ATP2A3: variants seen among roughly 807,000 people sequenced by gnomAD.
ATP2A3 encodes the protein ATPase sarcoplasmic/endoplasmic reticulum Ca2+ transporting 3.
In ATP2A3, 61 loss-of-function variants were observed where a neutral mutation model predicts 106.8. That is an observed-to-expected ratio of 0.57 (90% confidence interval 0.46 to 0.71). The LOEUF (loss-of-function observed/expected upper bound fraction) is 0.71, where lower values mean the gene tolerates loss of function less well. ATP2A3 is among the 30% of genes least tolerant of loss of function. ATP2A3 has a pLI of 0.00. For missense variants in ATP2A3, 1,201 were observed against 1,423.5 expected, an observed-to-expected ratio of 0.84 and a Z score of 2.52; for synonymous variants, 611 against 609.3, an observed-to-expected ratio of 1.00 and a Z score of -0.04.
chr17:3,937,393 G>A, intron 15 of ATP2A3, 23 bp downstream of exon 15: 1 of 1,604,250 alleles, frequency 6.2e-7, no homozygotes, highest in Non-Finnish European at 8.5e-7. Flanking sequence ...AGAGGGCTGA[G>A]AGGAGGGAAG....
chr17:3,956,385 T>G (rs934698053), intron 1 of ATP2A3, among the ~76,000 whole-genome samples: 1 of 152,144 alleles, frequency 6.6e-6, no homozygotes. Flanking sequence ...TCGTGCCAGG[T>G]TGGAGCATTG....
rs1428489913 is a variant in ATP2A3, at chr17:3,928,895, A to G, written c.2863-115T>C. 3.9e-6 allele frequency: 3 copies of G among 770,370 alleles called. No homozygotes were observed. Among genetic ancestry groups the G allele is most frequent in the Middle Eastern group, 2.4e-4 (1 of 4,184 alleles). The allele number at this position is 770,370 out of a possible 1,614,324, so 47.7% of individuals were successfully genotyped here. On this transcript the variant is annotated intron_variant, in intron 19 of 20. Transcript: ENST00000397041. The surrounding 1 kb of genome is among the most constrained non-coding windows in gnomAD (Gnocchi z 6.1). ...GATGGACTCTTCATGAGCGCTCCTAAGAACCCCCTGGATGCACCCCCGATC... is the reference window on the plus strand; with the variant it reads ...GATGGACTCTTCATGAGCGCTCCTAGGAACCCCCTGGATGCACCCCCGATC...
chr17:3,950,614 G>A lies in ATP2A3; in HGVS notation c.545-18C>T, dbSNP rs1567712852. On this transcript the variant is annotated intron_variant, in intron 6 of 20. Transcript: ENST00000397041. Reference sequence around the variant, plus strand: ...AGATTCACCTGGTCAGGGAATCAGAGATGAGAAGCCCCACATGAAGACACG... The same window carrying A: ...AGATTCACCTGGTCAGGGAATCAGAAATGAGAAGCCCCACATGAAGACACG... 4 of 1,614,066 alleles carry A rather than the reference G, an allele frequency of 2.5e-6. No homozygotes were observed. Among genetic ancestry groups the A allele is most frequent in the Non-Finnish European group, 2.5e-6 (3 of 1,179,950 alleles).
At chr17:3,949,303 G>A (rs1175595110) in intron 7 of ATP2A3, among the ~76,000 whole-genome samples, 5 of 152,132 alleles carry the variant, frequency 3.3e-5, no homozygotes, top group Non-Finnish European at 7.3e-5. Flanking sequence ...AGGCTACTGC[G>A]GGGCAGCTGT....
chr17:3,930,540 C>G lies in ATP2A3; in HGVS notation c.2611-106G>C. 1 of 1,518,972 alleles carries G rather than the reference C, an allele frequency of 6.6e-7. No homozygotes were observed. The highest frequency in any genetic ancestry group is 8.9e-7 in the Non-Finnish European group (1 of 1,119,808). The allele number at this position is 1,518,972 out of a possible 1,614,324, so 94.1% of individuals were successfully genotyped here. A position where few individuals can be genotyped will look rare whatever the true frequency, so the allele number is the denominator to read the frequency against. On this transcript the variant is annotated intron_variant, in intron 17 of 20. Transcript: ENST00000397041. The surrounding 1 kb of genome is among the most constrained non-coding windows in gnomAD (Gnocchi z 5.4). ...CCCTTGGCCCACGCCTGGGCACAAC[C>G]AGCACACAAAACACTGCCGTGGGGT...
In ATP2A3 at chr17:3,929,875, A is replaced by T. The variant is rs55990044; in HGVS notation, c.2744+426T>A. 0.058 allele frequency among the ~76,000 whole-genome samples: 8,678 copies of T among 150,188 alleles called. 855 individuals carry two copies. Among genetic ancestry groups the T allele is most frequent in the African/African-American group, 0.2 (8,181 of 40,254 alleles). ...GTCCTGGACTCCCCTGACCCCTGGAACCCAATCCTGGACCCTTGACCCTCT... is the reference window on the plus strand; with the variant it reads ...GTCCTGGACTCCCCTGACCCCTGGATCCCAATCCTGGACCCTTGACCCTCT... On this transcript the variant is annotated intron_variant, in intron 18 of 20. Transcript: ENST00000397041. The surrounding 1 kb of genome is among the most constrained non-coding windows in gnomAD (Gnocchi z 4.3).
At chr17:3,962,415 A>C (rs1021986525) in intron 1 of ATP2A3, among the ~76,000 whole-genome samples, 2 of 152,220 alleles carry the variant, frequency 1.3e-5, no homozygotes, top group Non-Finnish European at 2.9e-5. Context: ...AACCTGGCAC[A>C]TAGTAAGTGC....
chr17:3,941,347 C>T (rs781522447), intron 13 of ATP2A3, 41 bp from the exon 14 acceptor site: 1 of 1,613,388 alleles, frequency 6.2e-7, no homozygotes, highest in South Asian at 1.1e-5. Context: ...CTGAGCCCAT[C>T]CCTGACCTAC....
At position 3,951,372 on chromosome 17, in the gene ATP2A3, A is replaced by G. The variant is rs1332883982; in HGVS notation, c.342T>C (p.Ser114=). 1 of 1,613,150 alleles carries G rather than the reference A, an allele frequency of 6.2e-7. No homozygotes were observed. Among genetic ancestry groups the G allele is most frequent in the Non-Finnish European group, 8.5e-7 (1 of 1,179,818 alleles). The change falls in exon 5 of 21, where the codon AGT becomes AGC. Residue 114 remains serine, a synonymous_variant. Transcript: ENST00000397041. ...VGVWQERNAE[S]AIEALKEYEP... The stretch of plus-strand genomic sequence containing the variant: ...CATACTCCTTCAGGGCCTCGATGGC[A>G]CTCTCGGCGTTGCGTTCCTGCAGAA...
At position 3,925,610 on chromosome 17, in the gene ATP2A3, C is replaced by G. The variant is rs576042212; in HGVS notation, c.2981-169G>C. Among the ~76,000 whole-genome samples the G allele has an allele frequency of 1.3e-5, 2 of 150,820 alleles. No individual in the cohort carries two copies. The highest frequency in any genetic ancestry group is 4.9e-5 in the African/African-American group (2 of 40,978). ...CCCCAGCCCCACCGGACCCCCCAAGCTGCATCCAGGATCCATCCCCGCAAC... is the reference window on the plus strand; with the variant it reads ...CCCCAGCCCCACCGGACCCCCCAAGGTGCATCCAGGATCCATCCCCGCAAC... On this transcript the variant is annotated intron_variant, in intron 20 of 20. Transcript: ENST00000397041. This position sits in a 1 kb window ranked among gnomAD's most constrained non-coding sequence, Gnocchi z 4.2.
rs372811445 is a variant in ATP2A3 at position 3,925,914 on chromosome 17, C to T, written c.2981-473G>A. On this transcript the variant is annotated intron_variant, in intron 20 of 20. Coordinates refer to ENST00000397041, the MANE Select transcript of ATP2A3 (RefSeq NM_005173.4). The surrounding 1 kb of genome is among the most constrained non-coding windows in gnomAD (Gnocchi z 4.2). ...GTCTTACCGTCCCATCATACTTCTG[C>T]CCCTAGCATCAAGCAAAAGCCGAAA... Among the ~76,000 whole-genome samples the T allele has an allele frequency of 9.2e-5, 14 of 151,550 alleles. No individual in the cohort carries two copies. The highest frequency in any genetic ancestry group is 6.3e-4 in the South Asian group (3 of 4,790).
rs1481589501 is a variant in ATP2A3, at chr17:3,936,862, A to C, written c.2322-393T>G. ...CACCTACATATCTGCCCTGAGGTGC[A>C]GAGATGCAGAATCCATCCATGTCCA... is the stretch of plus-strand genomic sequence containing the variant. On this transcript the variant is annotated intron_variant, in intron 15 of 20. Transcript: ENST00000397041. The surrounding 1 kb of genome is among the most constrained non-coding windows in gnomAD (Gnocchi z 5.4). 5.8e-6 allele frequency: 2 copies of C among 343,914 alleles called. No homozygotes were observed. The highest frequency in any genetic ancestry group is 1.1e-5 in the Non-Finnish European group (2 of 177,078). The allele number at this position is 343,914 out of a possible 1,614,324, so 21.3% of individuals were successfully genotyped here. A position where few individuals can be genotyped will look rare whatever the true frequency, so the allele number is the denominator to read the frequency against.
Position 3,928,505 on chromosome 17 carries a change from C to A in ATP2A3, c.2980+158G>T. On this transcript the variant is annotated intron_variant, in intron 20 of 20. Transcript: ENST00000397041. The surrounding 1 kb of genome is among the most constrained non-coding windows in gnomAD (Gnocchi z 6.1). ...CTGCGGACACCTTGGGACCCAGCCA[C>A]CAGAGCCCCTTCACACCCTCCACTT... 1.1e-6 allele frequency: 1 copy of A among 949,402 alleles called. No homozygotes were observed. The allele number at this position is 949,402 out of a possible 1,614,324, so 58.8% of individuals were successfully genotyped here.
Position 3,928,335 on chromosome 17 carries a change from C to A in ATP2A3, c.2980+328G>T. On this transcript the variant is annotated intron_variant, in intron 20 of 20. Coordinates refer to ENST00000397041, the MANE Select transcript of ATP2A3 (RefSeq NM_005173.4). This position sits in a 1 kb window ranked among gnomAD's most constrained non-coding sequence, Gnocchi z 6.1. ...GGCCTGGATAAAGACAGGCTGGGTG[C>A]AGAGGGGTCAGAGGCTGAGGCCCAG... 6.2e-7 allele frequency: 1 copy of A among 1,611,286 alleles called. No individual in the cohort carries two copies. Among genetic ancestry groups the A allele is most frequent in the East Asian group, 2.2e-5 (1 of 44,864 alleles).
rs911489834 is a variant in ATP2A3 at position 3,925,683 on chromosome 17, C to A, written c.2981-242G>T. Reference sequence around the variant, plus strand: ...CACTGTTCCATCAGCACCCCCAAACCCTCCAGTACATACTCTCCTGGTTTT... The same window carrying A: ...CACTGTTCCATCAGCACCCCCAAACACTCCAGTACATACTCTCCTGGTTTT... On this transcript the variant is annotated intron_variant, in intron 20 of 20. Transcript: ENST00000397041. This position sits in a 1 kb window ranked among gnomAD's most constrained non-coding sequence, Gnocchi z 4.2. Among the ~76,000 whole-genome samples, 2 of 151,896 alleles carry A rather than the reference C, an allele frequency of 1.3e-5. No individual in the cohort carries two copies. Among genetic ancestry groups the A allele is most frequent in the Admixed American group, 6.6e-5 (1 of 15,232 alleles).
In ATP2A3 at chr17:3,929,946, C is replaced by T. The variant is rs536642387; in HGVS notation, c.2744+355G>A. On this transcript the variant is annotated intron_variant, in intron 18 of 20. Coordinates refer to ENST00000397041, the MANE Select transcript of ATP2A3 (RefSeq NM_005173.4). The surrounding 1 kb of genome is among the most constrained non-coding windows in gnomAD (Gnocchi z 4.3). ...CAAACATCAGACCCCAACCTGAACC[C>T]CTTGACCCCAGACCCCAATCCTGGA... Among the ~76,000 whole-genome samples, 2 of 151,340 alleles carry T rather than the reference C, an allele frequency of 1.3e-5. No individual in the cohort carries two copies. Among genetic ancestry groups the T allele is most frequent in the South Asian group, 4.2e-4 (2 of 4,732 alleles).
rs1298359845 is a variant in ATP2A3 at position 3,933,934 on chromosome 17, TC to T, written c.2610+1257del. Among the ~76,000 whole-genome samples the T allele has an allele frequency of 9.4e-4, 102 of 108,988 alleles. 4 individuals carry two copies. The highest frequency in any genetic ancestry group is 9.9e-3 in the Middle Eastern group (2 of 202). 71.5% of individuals were successfully genotyped at this position (108,988 alleles called of 152,430 possible). ...TTGGTTTTCTTTTCTTTTCTTTTTT[TC>T]TTTTTTGAGACTGCGTCTTGCTCTG... On this transcript the variant is annotated intron_variant, in intron 17 of 20. Transcript: ENST00000397041.
chr17:3,950,882 G>A, intron 5 of ATP2A3, 109 bp from the exon 6 acceptor site: 1 of 1,080,178 alleles, frequency 9.3e-7, no homozygotes, highest in Admixed American at 2.0e-5. Context: ...GGGTGCCTGA[G>A]CTGTGATCGC....
At chr17:3,952,112 T>C (rs934005706) in intron 3 of ATP2A3, among the ~76,000 whole-genome samples, 1 of 152,030 alleles carries the variant, frequency 6.6e-6, no homozygotes, top group African/African-American at 2.4e-5. Context: ...TGAGACAGAG[T>C]CTTGCTCTGT....
Sources: gnomAD v4.1 joint callset for allele counts (sites outside exome capture counted in the v4.1 genomes callset) on GRCh38, gnomAD v4.1.1 for gene constraint, Gnocchi (gnomAD v3.1) non-coding constraint, MANE v1.5 for transcripts, NCBI Gene and HGNC (gene_info 2026-07-23, HGNC 2026-07-21) for gene names.